PNKD: variants seen among roughly 807,000 people sequenced by gnomAD.
The protein encoded by PNKD is probable thioesterase PNKD.
A neutral mutation model predicts 45.3 loss-of-function variants in PNKD; 36 were observed. That is an observed-to-expected ratio of 0.80 (90% CI 0.61 to 1.05). PNKD has a LOEUF of 1.05. Among genes scored for constraint, PNKD ranks in the 50% least tolerant of loss-of-function variants. The pLI is 0.00. For synonymous variants in PNKD, 197 were observed against 210.1 expected, an observed-to-expected ratio of 0.94 and a Z score of 0.54; for missense variants, 511 against 506.6, an observed-to-expected ratio of 1.01 and a Z score of -0.08.
chr2:218,323,306 C>A, intron 2 of PNKD: 1 of 1,557,598 alleles, frequency 6.4e-7, no homozygotes, highest in Non-Finnish European at 8.6e-7. Flanking sequence ...GGCAGTGGGT[C>A]GCCGGCTGCT....
At chr2:218,277,457 G>T (rs760240761) in intron 2 of PNKD, 1 of 1,614,038 alleles carries the variant, frequency 6.2e-7, no homozygotes, top group Non-Finnish European at 8.5e-7. Flanking sequence ...GTACATACTG[G>T]GGAGAAGCAG....
At chr2:218,281,596 T>C (rs992239244) in intron 2 of PNKD, among the ~76,000 whole-genome samples, 5 of 152,142 alleles carry the variant, frequency 3.3e-5, no homozygotes, top group Admixed American at 3.3e-4. Flanking sequence ...GTCTGGGAGG[T>C]GGCAGCAGCT....
chr2:218,275,554 A>C (rs1352380371), intron 2 of PNKD: 1 of 1,613,970 alleles, frequency 6.2e-7, no homozygotes, highest in East Asian at 2.2e-5. Context: ...GGCGCCAGTG[A>C]TGTAGTCCTC....
Position 218,340,634 on chromosome 2 carries a change from C to T in PNKD, c.466-94C>T. On this transcript the variant is annotated intron_variant, in intron 4 of 9. Transcript: ENST00000273077. This position sits in a 1 kb window ranked among gnomAD's most constrained non-coding sequence, Gnocchi z 4.2. The stretch of plus-strand genomic sequence containing the variant: ...CTGCTTCATCTCTCCATGCTCTCCT[C>T]TCCTCTCCACCAGCGCCCACACTCC... The T allele has an allele frequency of 1.1e-6, 1 of 886,948 alleles. No homozygotes were observed. The highest frequency in any genetic ancestry group is 1.3e-5 in the South Asian group (1 of 76,312). The allele number at this position is 886,948 out of a possible 1,614,324, so 54.9% of individuals were successfully genotyped here. A position where few individuals can be genotyped will look rare whatever the true frequency, so the allele number is the denominator to read the frequency against.
intron 2 of PNKD, among the ~76,000 whole-genome samples, chr2:218,283,886 G>A (rs966119487): frequency 6.6e-6 from 1 of 152,280 alleles, no homozygotes; most frequent in Admixed American, 6.5e-5. Context: ...TACAAAGCTG[G>A]CAGGGTGCGG....
intron 2 of PNKD, among the ~76,000 whole-genome samples, chr2:218,289,127 GGTGGGGCCA>G (rs1193032467): frequency 1.3e-5 from 2 of 152,242 alleles, no homozygotes; most frequent in Non-Finnish European, 2.9e-5. Context: ...GCAGCACCAG[GGTGGGGCCA>G]AGGCAGTAAA....
Position 218,278,245 on chromosome 2 carries a change from CA to C in PNKD, c.236+6697del, listed in dbSNP as rs1333989647. ...CCTGTGTGATGGGGAGAAAGTTACT[CA>C]GCCTCTTTGAGCCTCGGGTTCTTCC... On this transcript the variant is annotated intron_variant, in intron 2 of 9. Coordinates refer to ENST00000273077, the MANE Select transcript of PNKD (RefSeq NM_015488.5). 2.3e-5 allele frequency: 14 copies of C among 604,250 alleles called. No homozygotes were observed. In the East Asian group the frequency reaches 3.9e-4, roughly 17 times the overall value. 37.4% of individuals were successfully genotyped at this position (604,250 alleles called of 1,614,324 possible). A position where few individuals can be genotyped will look rare whatever the true frequency, so the allele number is the denominator to read the frequency against.
At chr2:218,272,249 C>T (rs1268340251) in intron 2 of PNKD, among the ~76,000 whole-genome samples, 2 of 149,566 alleles carry the variant, frequency 1.3e-5, no homozygotes, top group Non-Finnish European at 2.9e-5. Flanking sequence ...TGCACAGGTG[C>T]TGTTGCAGGA....
chr2:218,332,345 C>T (rs901147151), intron 2 of PNKD, among the ~76,000 whole-genome samples: 1 of 152,076 alleles, frequency 6.6e-6, no homozygotes, highest in Non-Finnish European at 1.5e-5. Context: ...AATGCAACTG[C>T]GAGGACAGGG....
At chr2:218,279,564 C>A in intron 2 of PNKD, 1 of 531,400 alleles carries the variant, frequency 1.9e-6, no homozygotes, top group East Asian at 3.1e-5. Context: ...CCCTCCTGTC[C>A]AACACCAGCC....
chr2:218,307,915 GGGTT>G (rs1693468046), intron 2 of PNKD, among the ~76,000 whole-genome samples: 1 of 152,128 alleles, frequency 6.6e-6, no homozygotes, highest in Non-Finnish European at 1.5e-5. Context: ...AATGACAAAT[GGGTT>G]TGACCTTCAA....
chr2:218,298,832 C>T (rs1693204972), intron 2 of PNKD, among the ~76,000 whole-genome samples: 2 of 152,164 alleles, frequency 1.3e-5, no homozygotes, highest in Admixed American at 1.3e-4. Flanking sequence ...CTCTCTTGCC[C>T]CCCACCTAGG....
chr2:218,344,507 G>C lies in PNKD; in HGVS notation c.921G>C (p.Glu307Asp). The C allele has an allele frequency of 4.4e-6, 7 of 1,593,336 alleles. No homozygotes were observed. Among genetic ancestry groups the C allele is most frequent in the Non-Finnish European group, 6.0e-6 (7 of 1,169,812 alleles). ...NLGFAGVVEP[E>D]NLARERKMQW... is the part of the protein sequence containing the mutation. ...GCTTTGCAGGTGTGGTGGAGCCCGA[G>C]AACCTGGCCCGGGAGAGGAAGATGC... Residue 307 changes from glutamate to aspartate, a missense_variant, in exon 9 of 10, where the codon GAG becomes GAC. Physicochemically the swap from Glu to Asp is conservative, Grantham distance 45. Transcript: ENST00000273077.
In PNKD at chr2:218,341,579, C is replaced by A. The variant is rs1440737878; in HGVS notation, c.570C>A (p.Asp190Glu). The A allele has an allele frequency of 6.2e-7, 1 of 1,600,076 alleles. No individual in the cohort carries two copies. The highest frequency in any genetic ancestry group is 1.3e-5 in the African/African-American group (1 of 74,742). The change falls in exon 6 of 10, where the codon GAC becomes GAA. Residue 190 changes from aspartate (D) to glutamate (E), a missense_variant. Asp to Glu is a conservative substitution (Grantham distance 45, BLOSUM62 2). Coordinates refer to ENST00000273077, the MANE Select transcript of PNKD (RefSeq NM_015488.5). Reference protein sequence around the residue: ...GNRDLSRRHRDCRVYGSPQDG... With the variant: ...GNRDLSRRHRECRVYGSPQDG... The stretch of plus-strand genomic sequence containing the variant: ...GTGACCTCAGCCGGCGGCACCGGGA[C>A]TGTCGGGTGTACGGGAGCCCTCAGG...
intron 2 of PNKD, among the ~76,000 whole-genome samples, chr2:218,294,543 T>C (rs887831048): frequency 5.9e-5 from 9 of 152,228 alleles, no homozygotes; most frequent in Non-Finnish European, 8.8e-5. Flanking sequence ...AATGGCACAA[T>C]TGCAGCTCAC....
In PNKD at chr2:218,344,835, T is replaced by C. The variant is rs1380264604; in HGVS notation, c.1012T>C (p.Ser338Pro). Residue 338 changes from serine to proline, a missense_variant, in exon 10 of 10, where the codon TCC becomes CCC. Physicochemically the swap from Ser to Pro is moderately conservative, Grantham distance 74. Coordinates refer to ENST00000273077, the MANE Select transcript of PNKD (RefSeq NM_015488.5). The part of the protein sequence containing the change: ...TCPSTLGEER[S>P]YNPFLRTHCL... ...CCCATCTACCCTGGGAGAGGAGCGC[T>C]CCTACAACCCGTTCCTGAGAACCCA... 1.9e-6 allele frequency: 3 copies of C among 1,613,850 alleles called. No homozygotes were observed. The highest frequency in any genetic ancestry group is 1.7e-4 in the Middle Eastern group (1 of 6,058).
At chr2:218,270,772 C>T (rs1395000285) in intron 1 of PNKD, 170 bp downstream of exon 1, 1 of 413,010 alleles carries the variant, frequency 2.4e-6, no homozygotes, top group African/African-American at 2.1e-5. Context: ...CAGTGCATCC[C>T]CCCGCCTTCG....
At chr2:218,301,229 G>A (rs752380998) in intron 2 of PNKD, among the ~76,000 whole-genome samples, 1 of 152,162 alleles carries the variant, frequency 6.6e-6, no homozygotes, top group Non-Finnish European at 1.5e-5. Context: ...TCAGTGGCAA[G>A]TGGCTAGTGG....
chr2:218,292,903 G>A (rs924730285), intron 2 of PNKD, among the ~76,000 whole-genome samples: 131 of 152,270 alleles, frequency 8.6e-4, no homozygotes, highest in African/African-American at 3.1e-3. Flanking sequence ...GTTTTATGAT[G>A]AACATTTTTC....
Sources: gnomAD v4.1 joint callset for allele counts (sites outside exome capture counted in the v4.1 genomes callset) on GRCh38, gnomAD v4.1.1 for gene constraint, Gnocchi (gnomAD v3.1) non-coding constraint, MANE v1.5 for transcripts, NCBI Gene and HGNC (gene_info 2026-07-23, HGNC 2026-07-21) for gene names.